Variants in LHFPL2 observed in about 807,000 individuals in gnomAD.
The protein encoded by LHFPL2 is LHFPL tetraspan subfamily member 2.
In LHFPL2, 7 loss-of-function variants were observed where a neutral mutation model predicts 17.5. The observed-to-expected ratio is 0.40, with a 90% CI of 0.23 to 0.75. The LOEUF is 0.75. LHFPL2 is among the 30% of genes least tolerant of loss of function. LHFPL2 has a pLI of 0.37. For missense variants in LHFPL2, 241 were observed against 294.8 expected (o/e 0.82, Z 1.34); for synonymous variants, 134 against 116.2 (o/e 1.15, Z -0.99).
chr5:78,645,608 C>A (rs1341858444), intron 1 of LHFPL2, among the ~76,000 whole-genome samples: 2 of 148,222 alleles, frequency 1.3e-5, no homozygotes, highest in African/African-American at 5.0e-5. Flanking sequence ...TTTGAGATAG[C>A]GTCTTGCTCT....
chr5:78,645,057 T>A (rs1174609200), intron 1 of LHFPL2, among the ~76,000 whole-genome samples: 3 of 152,006 alleles, frequency 2.0e-5, no homozygotes, highest in African/African-American at 7.3e-5. Context: ...CCTCCCCTTC[T>A]CCCTTTGGAA....
At chr5:78,586,043 G>C (rs1364407088) in intron 2 of LHFPL2, among the ~76,000 whole-genome samples, 1 of 152,200 alleles carries the variant, frequency 6.6e-6, no homozygotes, top group Non-Finnish European at 1.5e-5. Flanking sequence ...ATGAGGAACA[G>C]CACCAACCTT....
chr5:78,560,166 A>G (rs988268474), intron 3 of LHFPL2, among the ~76,000 whole-genome samples: 2 of 152,240 alleles, frequency 1.3e-5, no homozygotes, highest in Admixed American at 6.5e-5. Flanking sequence ...GATGTGGCCT[A>G]TCCTCAAACC....
chr5:78,547,191 AC>A (rs1449920250), intron 3 of LHFPL2, among the ~76,000 whole-genome samples: 2 of 152,006 alleles, frequency 1.3e-5, no homozygotes, highest in Non-Finnish European at 2.9e-5. Context: ...CTCAGCCCGA[AC>A]CCTAAGAGGC....
At chr5:78,587,513 C>G (rs374667085) in intron 2 of LHFPL2, among the ~76,000 whole-genome samples, 4 of 152,228 alleles carry the variant, frequency 2.6e-5, no homozygotes, top group African/African-American at 9.6e-5. Context: ...CCTAAATACT[C>G]TATGCCCACA....
chr5:78,527,548 C>G (rs972349943), intron 3 of LHFPL2, among the ~76,000 whole-genome samples: 1 of 151,710 alleles, frequency 6.6e-6, no homozygotes, highest in Non-Finnish European at 1.5e-5. Flanking sequence ...CCTCCCATCT[C>G]GTTATTTCAC....
At chr5:78,644,303 CT>C in intron 1 of LHFPL2, 5 of 1,168,426 alleles carry the variant, frequency 4.3e-6, no homozygotes, top group East Asian at 2.6e-5. Flanking sequence ...CCTCTTCCTT[CT>C]TTTTCTTGCT....
intron 1 of LHFPL2, among the ~76,000 whole-genome samples, chr5:78,642,452 G>C (rs1055543058): frequency 1.3e-5 from 2 of 152,168 alleles, no homozygotes; most frequent in African/African-American, 2.4e-5. Context: ...AATAACATCA[G>C]TACAAGCCTG....
intron 1 of LHFPL2, among the ~76,000 whole-genome samples, chr5:78,640,157 T>C (rs1022790404): frequency 6.6e-6 from 1 of 152,106 alleles, no homozygotes; most frequent in African/African-American, 2.4e-5. Flanking sequence ...ATCTCACTGC[T>C]GGTTAAGGTT....
At chr5:78,546,740 C>T (rs896702876) in intron 3 of LHFPL2, among the ~76,000 whole-genome samples, 9 of 152,182 alleles carry the variant, frequency 5.9e-5, no homozygotes, top group Non-Finnish European at 1.3e-4. Context: ...CTACGAGTTT[C>T]TTGATGACAT....
intron 3 of LHFPL2, among the ~76,000 whole-genome samples, chr5:78,530,348 C>G (rs960459092): frequency 6.6e-6 from 1 of 152,184 alleles, no homozygotes; most frequent in Non-Finnish European, 1.5e-5. Context: ...TGGCTTTAGT[C>G]TACTGTTTCT....
At chr5:78,544,186 C>T (rs573565450) in intron 3 of LHFPL2, among the ~76,000 whole-genome samples, 2 of 152,324 alleles carry the variant, frequency 1.3e-5, no homozygotes, top group South Asian at 4.1e-4. Context: ...ACTTGAAGCC[C>T]CCAACCTGTG....
chr5:78,531,419 C>CAA (rs11445485), intron 3 of LHFPL2, among the ~76,000 whole-genome samples: 189 of 116,202 alleles, frequency 1.6e-3, no homozygotes, highest in South Asian at 0.01. Context: ...AACTCCATCT[C>CAA]AAAAAAAAAA....
chr5:78,615,501 T>G (rs1452912301), intron 2 of LHFPL2, among the ~76,000 whole-genome samples: 1 of 152,200 alleles, frequency 6.6e-6, no homozygotes, highest in Non-Finnish European at 1.5e-5. Flanking sequence ...AGAAAACTGT[T>G]TTCTAAAAAC....
chr5:78,633,740 G>C (rs985450633), intron 1 of LHFPL2, among the ~76,000 whole-genome samples: 30 of 152,194 alleles, frequency 2.0e-4, no homozygotes, highest in Non-Finnish European at 4.4e-5. Flanking sequence ...CCACCTTCAG[G>C]GTAGGGAGGT....
intron 4 of LHFPL2, among the ~76,000 whole-genome samples, chr5:78,504,538 G>A (rs1008271425): frequency 6.6e-6 from 1 of 152,196 alleles, no homozygotes; most frequent in African/African-American, 2.4e-5. Context: ...GTAAAAAGCA[G>A]TAAGAATACC....
chr5:78,497,515 AGTTT>A (rs1182330951), intron 4 of LHFPL2, among the ~76,000 whole-genome samples: 2 of 152,242 alleles, frequency 1.3e-5, no homozygotes, highest in Non-Finnish European at 2.9e-5. Context: ...AACTTTATGC[AGTTT>A]GTTCTTTGTG....
chr5:78,610,866 C>T (rs113090037), intron 2 of LHFPL2, among the ~76,000 whole-genome samples: 17 of 151,312 alleles, frequency 1.1e-4, no homozygotes, highest in African/African-American at 3.9e-4. Flanking sequence ...AATATTCTGA[C>T]ACATATCATG....
At chr5:78,526,040 A>C (rs1166002280) in intron 3 of LHFPL2, among the ~76,000 whole-genome samples, 2 of 152,084 alleles carry the variant, frequency 1.3e-5, no homozygotes, top group Non-Finnish European at 2.9e-5. Context: ...GGGGCTTCAA[A>C]CCTGGGTCTC....
Sources: allele counts gnomAD v4.1 joint callset (sites outside exome capture counted in the v4.1 genomes callset), GRCh38; gene constraint gnomAD v4.1.1; transcripts MANE v1.5; gene names NCBI Gene and HGNC (gene_info 2026-07-23, HGNC 2026-07-21).